FRMD4B: variants seen among roughly 807,000 people sequenced by gnomAD.
The protein encoded by FRMD4B is FERM domain-containing protein 4B.
In FRMD4B, 74 loss-of-function variants were observed where a neutral mutation model predicts 141.5. The ratio of observed to expected loss-of-function variants is 0.52; its 90% CI spans 0.43 to 0.63. FRMD4B has a LOEUF of 0.63. Among genes scored for constraint, FRMD4B ranks in the 30% least tolerant of loss-of-function variants. The pLI, the probability that FRMD4B is intolerant of heterozygous loss-of-function variation, is 0.00. For missense variants in FRMD4B, 1,366 were observed against 1,253.4 expected (o/e 1.09, Z -1.36); for synonymous variants, 506 against 467.9 (o/e 1.08, Z -1.05).
At chr3:69,463,251 G>T (rs1705732162) in intron 1 of FRMD4B, among the ~76,000 whole-genome samples, 1 of 152,206 alleles carries the variant, frequency 6.6e-6, no homozygotes, top group Non-Finnish European at 1.5e-5. Flanking sequence ...AGCTTTACCT[G>T]TCCTAGAATA....
At chr3:69,427,643 G>GTTTTTTTTTTTTTTTTTTTTTTTT (rs774316609) in intron 2 of FRMD4B, among the ~76,000 whole-genome samples, 1 of 36,238 alleles carries the variant, frequency 2.8e-5, no homozygotes, top group African/African-American at 1.1e-4. Flanking sequence ...CTAGGTAAAT[G>GTTTTTTTTTTTTTTTTTTTTTTTT]TTTTTTTTTT....
At chr3:69,361,745 C>T (rs1244024827) in intron 1 of FRMD4B, among the ~76,000 whole-genome samples, 1 of 152,168 alleles carries the variant, frequency 6.6e-6, no homozygotes. Context: ...TTTATCTCCT[C>T]TCTTGTTAAT....
At chr3:69,394,314 C>T (rs1006317399) in intron 2 of FRMD4B, among the ~76,000 whole-genome samples, 1 of 152,200 alleles carries the variant, frequency 6.6e-6, no homozygotes, top group Non-Finnish European at 1.5e-5. Flanking sequence ...AATTACCTCC[C>T]CAAAGCTCCA....
intron 9 of FRMD4B, 48 bp from the exon 10 acceptor site, chr3:69,218,427 A>C (rs4855301): frequency 2.7e-5 from 21 of 767,306 alleles, no homozygotes; most frequent in Non-Finnish European, 4.3e-5. Flanking sequence ...TAGTTAGAGG[A>C]CCCTTTTGGG....
chr3:69,455,483 G>A (rs975811654), intron 1 of FRMD4B, among the ~76,000 whole-genome samples: 1 of 152,150 alleles, frequency 6.6e-6, no homozygotes, highest in African/African-American at 2.4e-5. Context: ...AGAGCTGTAA[G>A]GCTCACCGTG....
At chr3:69,248,885 C>G (rs533059637) in intron 7 of FRMD4B, among the ~76,000 whole-genome samples, 1 of 152,254 alleles carries the variant, frequency 6.6e-6, no homozygotes, top group South Asian at 2.1e-4. Flanking sequence ...TATAACTCTT[C>G]GAACACAAGA....
intron 22 of FRMD4B, among the ~76,000 whole-genome samples, chr3:69,173,828 G>A (rs1161802761): frequency 6.6e-6 from 1 of 152,122 alleles, no homozygotes; most frequent in Non-Finnish European, 1.5e-5. Flanking sequence ...CAAATATTTT[G>A]GACAAAGATG....
intron 2 of FRMD4B, among the ~76,000 whole-genome samples, chr3:69,410,796 T>C (rs1447353758): frequency 3.4e-5 from 5 of 146,996 alleles, no homozygotes; most frequent in African/African-American, 1.2e-4. Context: ...TCTTGCTCTG[T>C]TGCCCAGGCT....
chr3:69,487,384 T>C (rs1467709560), intron 1 of FRMD4B, among the ~76,000 whole-genome samples: 1 of 152,204 alleles, frequency 6.6e-6, no homozygotes, highest in African/African-American at 2.4e-5. Flanking sequence ...AAATATTAGC[T>C]AAGAAATTTG....
rs377501495 is a variant in FRMD4B, at chr3:69,445,399, G to A, written c.-128-12638C>T. ...CAGACACCCTAGCCAATCACTCCAGGTGGCCTCCTAAGAAAGATTCCTGCC... is the reference window on the plus strand; with the variant it reads ...CAGACACCCTAGCCAATCACTCCAGATGGCCTCCTAAGAAAGATTCCTGCC... On this transcript the variant is annotated intron_variant, in intron 1 of 5. Coordinates refer to the FRMD4B transcript ENST00000459638. Among the ~76,000 whole-genome samples, 7 of 152,162 alleles carry A rather than the reference G, an allele frequency of 4.6e-5. No individual in the cohort carries two copies. The East Asian group carries it at 1.2e-3, about 25-fold the overall frequency.
rs559125887 is a variant in FRMD4B, at chr3:69,172,938, A to C, written c.2985-957T>G. On this transcript the variant is annotated intron_variant, in intron 22 of 22. Transcript: ENST00000398540. Reference sequence around the variant, plus strand: ...TAAAGGTTTTTAGTGTTTTCATGTAACATAAAAAACAAAGCCAGATTTCAT... The same window carrying C: ...TAAAGGTTTTTAGTGTTTTCATGTACCATAAAAAACAAAGCCAGATTTCAT... Among the ~76,000 whole-genome samples the C allele has an allele frequency of 1.7e-3, 259 of 152,298 alleles. 2 individuals carry two copies. Among genetic ancestry groups the C allele is most frequent in the African/African-American group, 5.9e-3 (247 of 41,544 alleles).
chr3:69,304,077 A>G (rs1043863268), intron 3 of FRMD4B, among the ~76,000 whole-genome samples: 1 of 149,048 alleles, frequency 6.7e-6, no homozygotes, highest in Admixed American at 6.7e-5. Flanking sequence ...AGGATTGGCT[A>G]AAGTGGGAGG....
At chr3:69,447,886 T>C (rs982328690) in intron 1 of FRMD4B, among the ~76,000 whole-genome samples, 2 of 152,250 alleles carry the variant, frequency 1.3e-5, no homozygotes, top group Admixed American at 1.3e-4. Context: ...GTTTGTTATT[T>C]TGTATGGTTT....
intron 1 of FRMD4B, chr3:69,536,033 C>T (rs913232566): frequency 2.5e-6 from 1 of 405,494 alleles, no homozygotes. Flanking sequence ...CCTGCGTGGC[C>T]TTGTCTGGCT....
chr3:69,482,997 A>C (rs960378878), intron 1 of FRMD4B, among the ~76,000 whole-genome samples: 36 of 152,230 alleles, frequency 2.4e-4, no homozygotes, highest in Non-Finnish European at 3.2e-4. Flanking sequence ...GGTGTGTTTC[A>C]TTGCATTGAA....
Position 69,193,828 on chromosome 3 carries a change from T to C in FRMD4B, c.1534A>G (p.Lys512Glu). The change falls in exon 17 of 23, where the codon AAG (lysine) becomes GAG (glutamate). Residue 512 changes from lysine to glutamate, a missense_variant. By Grantham distance (56) the Lys-to-Glu change is moderately conservative. Transcript: ENST00000398540. Reference sequence around the variant, plus strand: ...AGTTTCTTTGCAGCTTCCACCAGCTTTTGTTGTATTAGAAAATTACTCTCC... The same window carrying C: ...AGTTTCTTTGCAGCTTCCACCAGCTCTTGTTGTATTAGAAAATTACTCTCC... The part of the protein sequence containing the change: ...ELESNFLIQQ[K>E]LVEAAKKLAN... 1 of 1,613,516 alleles carries C rather than the reference T, an allele frequency of 6.2e-7. No homozygotes were observed. Among genetic ancestry groups the C allele is most frequent in the Non-Finnish European group, 8.5e-7 (1 of 1,179,550 alleles).
chr3:69,251,694 T>C (rs958257084), intron 5 of FRMD4B, among the ~76,000 whole-genome samples: 1 of 152,214 alleles, frequency 6.6e-6, no homozygotes. Flanking sequence ...AGCTCGCCCA[T>C]AATCTCTAGA....
chr3:69,289,961 C>T (rs576766023), intron 4 of FRMD4B, among the ~76,000 whole-genome samples: 1 of 152,298 alleles, frequency 6.6e-6, no homozygotes, highest in South Asian at 2.1e-4. Context: ...TGGACCTCTC[C>T]TTACTTCTCC....
At chr3:69,500,190 C>G (rs978130842) in intron 1 of FRMD4B, among the ~76,000 whole-genome samples, 2 of 152,116 alleles carry the variant, frequency 1.3e-5, no homozygotes, top group South Asian at 2.1e-4. Flanking sequence ...TGAGCTGTCC[C>G]CGGGCTGCTC....
Sources: gnomAD v4.1 joint callset for allele counts (sites outside exome capture counted in the v4.1 genomes callset) on GRCh38, gnomAD v4.1.1 for gene constraint, MANE v1.5 for transcripts, NCBI Gene and HGNC (gene_info 2026-07-23, HGNC 2026-07-21) for gene names.